SOX5: variants seen among roughly 807,000 people sequenced by gnomAD.
SOX5 encodes transcription factor SOX-5.
A neutral mutation model predicts 92.0 loss-of-function variants in SOX5; 9 were observed. That is an observed-to-expected ratio of 0.10 (90% CI 0.06 to 0.17). The LOEUF is 0.17. Among genes scored for constraint, SOX5 ranks in the 10% least tolerant of loss-of-function variants. The pLI, the probability that SOX5 is intolerant of heterozygous loss-of-function variation, is 1.00. For missense variants in SOX5, 642 were observed against 944.5 expected (o/e 0.68, Z 4.20); for synonymous variants, 344 against 336.3 (o/e 1.02, Z -0.25).
rs143680363 is a variant in SOX5, at chr12:24,454,011, T to C, written c.-250-85372A>G. ...CAAATAAAACCATAGGGTAGTCAAATTAATCTAATTATCTGTGACCCAATT... is the reference window on the plus strand; with the variant it reads ...CAAATAAAACCATAGGGTAGTCAAACTAATCTAATTATCTGTGACCCAATT... On this transcript the variant is annotated intron_variant, in intron 1 of 4. Coordinates refer to the SOX5 transcript ENST00000446891. 2.5e-3 allele frequency among the ~76,000 whole-genome samples: 381 copies of C among 152,294 alleles called. 2 individuals carry two copies. The highest frequency in any genetic ancestry group is 8.8e-3 in the African/African-American group (364 of 41,564).
chr12:23,783,933 T>C (rs2095330598), intron 3 of SOX5, among the ~76,000 whole-genome samples: 1 of 152,122 alleles, frequency 6.6e-6, no homozygotes, highest in African/African-American at 2.4e-5. Flanking sequence ...TTCATGGAGT[T>C]TATCACCTGG....
intron 2 of SOX5, among the ~76,000 whole-genome samples, chr12:23,882,545 G>A (rs1244227725): frequency 1.3e-5 from 2 of 152,046 alleles, no homozygotes; most frequent in African/African-American, 4.8e-5. Flanking sequence ...ATTTTTCTCT[G>A]GTAAATGGTT....
At position 24,447,903 on chromosome 12, in the gene SOX5, G is replaced by A. The variant is rs189206586; in HGVS notation, c.-250-79264C>T. Among the ~76,000 whole-genome samples the A allele has an allele frequency of 9.9e-5, 15 of 152,216 alleles. No individual in the cohort carries two copies. The South Asian group carries it at 1.0e-3, about 11-fold the overall frequency. ...GGACAAATTGTTCTTAAGTGTGGCCGGGCGTGGTGGCTCACTCCTGTATTT... is the reference window on the plus strand; with the variant it reads ...GGACAAATTGTTCTTAAGTGTGGCCAGGCGTGGTGGCTCACTCCTGTATTT... On this transcript the variant is annotated intron_variant, in intron 1 of 4. Coordinates refer to the SOX5 transcript ENST00000446891.
At chr12:23,843,380 A>C (rs2096539738) in intron 3 of SOX5, among the ~76,000 whole-genome samples, 2 of 152,128 alleles carry the variant, frequency 1.3e-5, no homozygotes, top group Admixed American at 1.3e-4. Context: ...TACCATACTA[A>C]TGTAAGATGT....
chr12:23,744,996 C>T (rs79787609), intron 4 of SOX5, among the ~76,000 whole-genome samples: 2,762 of 152,182 alleles, frequency 0.018, 82 homozygotes, highest in African/African-American at 0.063. Flanking sequence ...TATAAAGATA[C>T]CAGTCATCTT....
chr12:23,616,185 G>GA (rs2076533021), intron 8 of SOX5, among the ~76,000 whole-genome samples: 1 of 152,152 alleles, frequency 6.6e-6, no homozygotes, highest in African/African-American at 2.4e-5. Context: ...GTGACGCCTG[G>GA]AAAAAATGAA....
At chr12:23,846,658 C>T (rs2096578658) in intron 2 of SOX5, among the ~76,000 whole-genome samples, 1 of 152,138 alleles carries the variant, frequency 6.6e-6, no homozygotes, top group Admixed American at 6.5e-5. Context: ...TATCATTACA[C>T]ACAATTTATG....
intron 1 of SOX5, among the ~76,000 whole-genome samples, chr12:24,462,582 C>G (rs1943762852): frequency 6.6e-6 from 1 of 152,176 alleles, no homozygotes; most frequent in Non-Finnish European, 1.5e-5. Flanking sequence ...TTTCCTACCT[C>G]TGCTTCTATA....
intron 4 of SOX5, among the ~76,000 whole-genome samples, chr12:24,049,638 GTTTTTTTTTTTTTTTTTT>G (rs527647441): frequency 1.8e-4 from 13 of 73,772 alleles, no homozygotes; most frequent in African/African-American, 7.1e-4. Context: ...ATCCTTCATA[GTTTTTTTTTTTTTTTTTT>G]TTTTTTTTTT....
intron 4 of SOX5, among the ~76,000 whole-genome samples, chr12:24,048,098 T>C (rs1429110049): frequency 3.9e-5 from 6 of 152,164 alleles, no homozygotes; most frequent in Non-Finnish European, 8.8e-5. Context: ...TAACATTCAT[T>C]AGAAAGTTAC....
At chr12:24,179,441 C>G (rs1955217205) in intron 4 of SOX5, among the ~76,000 whole-genome samples, 1 of 152,166 alleles carries the variant, frequency 6.6e-6, no homozygotes, top group Non-Finnish European at 1.5e-5. Context: ...AGGATACTCC[C>G]TTGAGATGAT....
intron 2 of SOX5, among the ~76,000 whole-genome samples, chr12:24,354,851 C>T (rs184281759): frequency 3.3e-5 from 5 of 151,994 alleles, no homozygotes; most frequent in African/African-American, 9.7e-5. Flanking sequence ...TAAATTTGTG[C>T]GACTGGTATC....
chr12:23,683,422 T>C (rs1566954259), intron 6 of SOX5, among the ~76,000 whole-genome samples: 1 of 151,938 alleles, frequency 6.6e-6, no homozygotes, highest in Non-Finnish European at 1.5e-5. Flanking sequence ...TCATAACTGA[T>C]CTGGAAAAAT....
intron 3 of SOX5, among the ~76,000 whole-genome samples, chr12:23,770,642 G>C (rs1250848220): frequency 6.6e-6 from 1 of 151,968 alleles, no homozygotes; most frequent in African/African-American, 2.4e-5. Flanking sequence ...TTAAACAACA[G>C]AAATAATGGA....
intron 4 of SOX5, among the ~76,000 whole-genome samples, chr12:24,110,055 T>A (rs1420800763): frequency 1.3e-5 from 2 of 152,172 alleles, no homozygotes; most frequent in African/African-American, 4.8e-5. Context: ...TGTTCACACT[T>A]TAAAAAACAA....
At chr12:24,414,431 T>C (rs1964660928) in intron 1 of SOX5, among the ~76,000 whole-genome samples, 1 of 152,184 alleles carries the variant, frequency 6.6e-6, no homozygotes, top group African/African-American at 2.4e-5. Context: ...AGGGAAAAAG[T>C]TGGTTCACAG....
chr12:23,715,270 G>A (rs1439360657), intron 6 of SOX5, among the ~76,000 whole-genome samples: 1 of 138,384 alleles, frequency 7.2e-6, no homozygotes, highest in Non-Finnish European at 1.6e-5. Flanking sequence ...CTGCAGTCCA[G>A]CCTGGGGGAA....
chr12:23,594,066 G>A (rs1405409694), intron 9 of SOX5, among the ~76,000 whole-genome samples: 2 of 152,148 alleles, frequency 1.3e-5, no homozygotes, highest in Admixed American at 1.3e-4. Context: ...GAATACTCAT[G>A]TAATAGTGTT....
chr12:24,337,042 G>T (rs1175166282), intron 2 of SOX5, among the ~76,000 whole-genome samples: 3 of 152,144 alleles, frequency 2.0e-5, no homozygotes, highest in Non-Finnish European at 4.4e-5. Context: ...AAGAGTATGA[G>T]ATCTCAAAAT....
Sources: gnomAD v4.1 joint callset for allele counts (sites outside exome capture counted in the v4.1 genomes callset) on GRCh38, gnomAD v4.1.1 for gene constraint, MANE v1.5 for transcripts, NCBI Gene and HGNC (gene_info 2026-07-23, HGNC 2026-07-21) for gene names.